Variants in MMS22L observed in about 807,000 individuals in gnomAD.
MMS22L encodes the protein MMS22 like, DNA repair protein.
Under a neutral mutation model 159.1 loss-of-function variants are expected in MMS22L, and 74 were observed. That is an observed-to-expected ratio of 0.47 (90% CI 0.39 to 0.56). The LOEUF (loss-of-function observed/expected upper bound fraction) is 0.56. Among genes scored for constraint, MMS22L ranks in the 20% least tolerant of loss-of-function variants. MMS22L has a pLI of 0.00. For missense variants in MMS22L, 1,351 were observed against 1,422.1 expected (o/e 0.95, Z 0.80); for synonymous variants, 517 against 506.9 (o/e 1.02, Z -0.27).
rs962487045 is a variant in MMS22L, at chr6:97,270,116, A to T, written c.607-124T>A. 7.0e-6 allele frequency: 5 copies of T among 710,754 alleles called. No individual in the cohort carries two copies. The African/African-American group carries it at 9.0e-5, about 13-fold the overall frequency. The allele number at this position is 710,754 out of a possible 1,614,324, so 44.0% of individuals were successfully genotyped here. ...GAACCAATTAACCTACCACTATTCA[A>T]AAGCTCAGGGAAAACCTCTGTCTTG... On this transcript the variant is annotated intron_variant, in intron 6 of 24. Transcript: ENST00000683635.
intron 14 of MMS22L, among the ~76,000 whole-genome samples, chr6:97,196,281 C>T (rs577212049): frequency 1.1e-4 from 16 of 152,072 alleles, no homozygotes; most frequent in African/African-American, 3.9e-4. Context: ...AGAAGACATG[C>T]CATTACCTGT....
intron 14 of MMS22L, among the ~76,000 whole-genome samples, chr6:97,199,821 T>G (rs1806951404): frequency 6.6e-6 from 1 of 152,130 alleles, no homozygotes; most frequent in African/African-American, 2.4e-5. Context: ...AATAACAGTC[T>G]AGTCACCATT....
intron 14 of MMS22L, among the ~76,000 whole-genome samples, chr6:97,227,805 A>G (rs1479732192): frequency 6.6e-6 from 1 of 152,234 alleles, no homozygotes; most frequent in Non-Finnish European, 1.5e-5. Flanking sequence ...GGTAGTATTT[A>G]ACTTCTTAAG....
chr6:97,182,111 CCA>C, intron 15 of MMS22L, 57 bp from the exon 16 acceptor site: 2 of 1,434,650 alleles, frequency 1.4e-6, no homozygotes, highest in Non-Finnish European at 1.9e-6. Context: ...CATTTCTGAC[CCA>C]CACACCCCTG....
intron 4 of MMS22L, 123 bp from the exon 5 acceptor site, chr6:97,273,185 C>A: frequency 1.3e-6 from 1 of 771,234 alleles, no homozygotes; most frequent in South Asian, 1.8e-5. Context: ...TAAACATTCT[C>A]TTATGGTTCT....
chr6:97,252,537 C>A (rs745683513), intron 10 of MMS22L, among the ~76,000 whole-genome samples: 6 of 151,082 alleles, frequency 4.0e-5, no homozygotes, highest in African/African-American at 1.5e-4. Context: ...CCCAGCTACT[C>A]GGGAGGCTGA....
Position 97,165,268 on chromosome 6 carries a change from T to C in MMS22L, c.3199A>G (p.Lys1067Glu). Residue 1067 changes from lysine to glutamate, a missense_variant, in exon 21 of 25, where the codon AAA (lysine) becomes GAA (glutamate). Coordinates refer to ENST00000683635, the MANE Select transcript of MMS22L (RefSeq NM_001350599.2). Reference sequence around the variant, plus strand: ...TACCTTATGACTTGCACAATGCATTTCTTTAGAGATGATATTGGTGGAATA... The same window carrying C: ...TACCTTATGACTTGCACAATGCATTCCTTTAGAGATGATATTGGTGGAATA... ...ATIPPISSLK[K>E]CIVQVIRKSY... is the part of the protein sequence containing the mutation. The C allele has an allele frequency of 2.5e-6, 4 of 1,613,006 alleles. No homozygotes were observed. Among genetic ancestry groups the C allele is most frequent in the Non-Finnish European group, 3.4e-6 (4 of 1,179,326 alleles).
At chr6:97,162,923 A>C (rs1235769318) in intron 21 of MMS22L, among the ~76,000 whole-genome samples, 1 of 152,024 alleles carries the variant, frequency 6.6e-6, no homozygotes, top group African/African-American at 2.4e-5. Context: ...AAATCTGTCA[A>C]ATACAGCTAA....
intron 14 of MMS22L, among the ~76,000 whole-genome samples, chr6:97,223,303 C>A (rs1171869721): frequency 6.7e-6 from 1 of 149,296 alleles, no homozygotes; most frequent in African/African-American, 2.5e-5. Flanking sequence ...GTACCTATTC[C>A]CACCTGAATT....
In MMS22L at chr6:97,231,667, A is replaced by G. The variant is rs1276566615; in HGVS notation, c.1303-15T>C. On this transcript the variant is annotated splice_polypyrimidine_tract_variant and intron_variant, in intron 12 of 24. Coordinates refer to ENST00000683635, the MANE Select transcript of MMS22L (RefSeq NM_001350599.2). ...AAGGAACTATTCTAAAAGGGGGGAA[A>G]AAAAAGATAGAAAACAATTATTAGT... The G allele has an allele frequency of 1.9e-6, 3 of 1,541,082 alleles. No individual in the cohort carries two copies. Among genetic ancestry groups the G allele is most frequent in the African/African-American group, 2.8e-5 (2 of 72,662 alleles).
intron 19 of MMS22L, among the ~76,000 whole-genome samples, chr6:97,171,212 G>A (rs1239152535): frequency 6.6e-6 from 1 of 152,028 alleles, no homozygotes; most frequent in African/African-American, 2.4e-5. Context: ...ATGACAATGG[G>A]AATAAAAAAT....
intron 20 of MMS22L, among the ~76,000 whole-genome samples, chr6:97,165,871 G>A (rs1230148582): frequency 2.6e-5 from 4 of 152,098 alleles, no homozygotes; most frequent in Admixed American, 2.6e-4. Context: ...TTTGCTAAAA[G>A]TCTTCCATGC....
chr6:97,191,618 T>G (rs1273155485), intron 14 of MMS22L, among the ~76,000 whole-genome samples: 1 of 152,104 alleles, frequency 6.6e-6, no homozygotes, highest in Non-Finnish European at 1.5e-5. Flanking sequence ...AATGGAAAAT[T>G]TTAAGTCAAA....
At chr6:97,283,315 T>C (rs9374467), upstream of MMS22L, 56,629 of 151,238 alleles carry the variant, frequency 0.37, 12,050 homozygotes, top group East Asian at 0.79. Flanking sequence ...AGTCCGTCAG[T>C]CCGGGACGAG....
chr6:97,283,402 A>C (rs1315313262), upstream of MMS22L: 3 of 151,796 alleles, frequency 2.0e-5, no homozygotes, highest in Non-Finnish European at 4.4e-5. Flanking sequence ...AAAAAAAAAA[A>C]CAGAACTGCT....
Position 97,153,743 on chromosome 6 carries a change from C to T in MMS22L, c.3386-1876G>A, listed in dbSNP as rs561789022. ...AATATGTGACTTTTGTGACTGGCTTCTTTCACTGAGAATAATGTTTTCAAG... is the reference window on the plus strand; with the variant it reads ...AATATGTGACTTTTGTGACTGGCTTTTTTCACTGAGAATAATGTTTTCAAG... On this transcript the variant is annotated intron_variant, in intron 22 of 24. Coordinates refer to ENST00000683635, the MANE Select transcript of MMS22L (RefSeq NM_001350599.2). Among the ~76,000 whole-genome samples, 37 of 152,234 alleles carry T rather than the reference C, an allele frequency of 2.4e-4. No homozygotes were observed. In the South Asian group the frequency reaches 2.5e-3, roughly 10 times the overall value.
chr6:97,225,325 C>G (rs1810106294), intron 14 of MMS22L, among the ~76,000 whole-genome samples: 1 of 151,666 alleles, frequency 6.6e-6, no homozygotes, highest in South Asian at 2.1e-4. Flanking sequence ...CGCCTATTAC[C>G]AAGCTTCAAC....
chr6:97,195,043 C>T (rs1466730623), intron 14 of MMS22L, among the ~76,000 whole-genome samples: 2 of 152,092 alleles, frequency 1.3e-5, no homozygotes, highest in African/African-American at 4.8e-5. Context: ...AAAGAAATCA[C>T]AGTATGGGGA....
intron 22 of MMS22L, among the ~76,000 whole-genome samples, chr6:97,155,483 G>T (rs967792041): frequency 2.6e-5 from 4 of 152,026 alleles, no homozygotes; most frequent in Non-Finnish European, 2.9e-5. Flanking sequence ...CTCCTGACAG[G>T]CCCCGGTGTG....
Sources: allele counts gnomAD v4.1 joint callset (sites outside exome capture counted in the v4.1 genomes callset), GRCh38; gene constraint gnomAD v4.1.1; transcripts MANE v1.5; gene names NCBI Gene and HGNC (gene_info 2026-07-23, HGNC 2026-07-21).